Variants in PDE4A observed in about 807,000 individuals in gnomAD.
PDE4A encodes 3',5'-cyclic-AMP phosphodiesterase 4A.
Under a neutral mutation model 73.9 loss-of-function variants are expected in PDE4A, and 21 were observed. The ratio of observed to expected loss-of-function variants is 0.28; its 90% CI spans 0.20 to 0.41. The LOEUF is 0.41. Ranked by LOEUF, PDE4A falls within the 10% of genes least tolerant of loss-of-function variation. The probability of loss-of-function intolerance (pLI) is 1.00; values close to 1 mark genes in which losing one functional copy is unlikely to be tolerated. For missense variants in PDE4A, 958 were observed against 1,211.4 expected (o/e 0.79, Z 3.10); for synonymous variants, 463 against 505.4 (o/e 0.92, Z 1.13).
chr19:10,426,585 A>C lies in PDE4A; in HGVS notation c.320+5501A>C, dbSNP rs142422959. Among the ~76,000 whole-genome samples the C allele has an allele frequency of 1.6e-3, 247 of 152,286 alleles. 2 individuals are homozygous for C. The highest frequency in any genetic ancestry group is 5.5e-3 in the African/African-American group (227 of 41,562). On this transcript the variant is annotated intron_variant, in intron 1 of 14. Coordinates refer to ENST00000380702, the MANE Select transcript of PDE4A (RefSeq NM_001111307.2). ...AGAGGGTGAAGCAGAAATAGCAAGTAAAGGGCTGGGTGCGGTGGCTCAGGC... is the reference window on the plus strand; with the variant it reads ...AGAGGGTGAAGCAGAAATAGCAAGTCAAGGGCTGGGTGCGGTGGCTCAGGC...
At chr19:10,440,633 C>G (rs1366403224) in intron 1 of PDE4A, among the ~76,000 whole-genome samples, 2 of 152,088 alleles carry the variant, frequency 1.3e-5, no homozygotes, top group Admixed American at 6.6e-5. Flanking sequence ...GAGTCTCGCT[C>G]TGTCATCCAG....
At position 10,458,036 on chromosome 19, in the gene PDE4A, C is replaced by T. The variant is rs1205728110; in HGVS notation, c.1035C>T (p.Asn345=). ...GGTTGAAAAAGTTGATGCATAGTAA[C>T]AGCCTGAACAACTCTAACATTCCCC... The part of the protein sequence containing the change: ...ITGLKKLMHS[N]SLNNSNIPRF... Residue 345 remains asparagine (N), a synonymous_variant, in exon 8 of 15, where the codon AAC becomes AAT. Coordinates refer to ENST00000380702, the MANE Select transcript of PDE4A (RefSeq NM_001111307.2). This position sits in a 1 kb window ranked among gnomAD's most constrained non-coding sequence, Gnocchi z 4.6. 1.2e-6 allele frequency: 2 copies of T among 1,613,898 alleles called. No homozygotes were observed. Among genetic ancestry groups the T allele is most frequent in the Admixed American group, 1.7e-5 (1 of 60,020 alleles).
Position 10,421,100 on chromosome 19 carries a change from G to A in PDE4A, c.320+16G>A, listed in dbSNP as rs1044714487. 2.9e-6 allele frequency: 4 copies of A among 1,361,646 alleles called. No homozygotes were observed. Among genetic ancestry groups the A allele is most frequent in the Non-Finnish European group, 3.8e-6 (4 of 1,065,262 alleles). 84.3% of individuals were successfully genotyped at this position (1,361,646 alleles called of 1,614,324 possible). ...GCAGCAGGCGGTAAGACTCCCCGCGGCGGATGCGCGCGGAACGGATGGGCG... is the reference window on the plus strand; with the variant it reads ...GCAGCAGGCGGTAAGACTCCCCGCGACGGATGCGCGCGGAACGGATGGGCG... On this transcript the variant is annotated intron_variant, in intron 1 of 14. Transcript: ENST00000380702.
At chr19:10,452,202 G>T (rs1240133325) in intron 6 of PDE4A, among the ~76,000 whole-genome samples, 2 of 151,920 alleles carry the variant, frequency 1.3e-5, no homozygotes, top group Non-Finnish European at 2.9e-5. Context: ...TGGCTGGGGA[G>T]GCCAAGGCGG....
intron 1 of PDE4A, among the ~76,000 whole-genome samples, chr19:10,425,974 G>T (rs957696904): frequency 9.0e-6 from 1 of 111,494 alleles, no homozygotes; most frequent in Non-Finnish European, 1.7e-5. Context: ...GCGAGAGACT[G>T]AGACCCTGTC....
At position 10,446,341 on chromosome 19, in the gene PDE4A, C is replaced by T. The variant is rs1178359206; in HGVS notation, c.444C>T (p.Tyr148=). 1.2e-6 allele frequency: 2 copies of T among 1,613,978 alleles called. No individual in the cohort carries two copies. The highest frequency in any genetic ancestry group is 1.1e-5 in the South Asian group (1 of 91,068). The change falls in exon 2 of 15, where the codon TAC becomes TAT. Residue 148 remains tyrosine (Y), a synonymous_variant. Coordinates refer to ENST00000380702, the MANE Select transcript of PDE4A (RefSeq NM_001111307.2). The part of the protein sequence containing the change: ...ATSQRRESFL[Y]RSDSDYDMSP... ...GCCAGCGCCGGGAGTCCTTCCTGTA[C>T]CGCTCAGACAGCGACTATGACATGT...
chr19:10,421,409 A>G, intron 1 of PDE4A: 1 of 922,708 alleles, frequency 1.1e-6, no homozygotes, highest in Non-Finnish European at 1.3e-6. Context: ...TAAGCTGGGA[A>G]CCACTTGGAG....
At chr19:10,452,368 C>T (rs1019330743) in intron 6 of PDE4A, among the ~76,000 whole-genome samples, 3 of 150,542 alleles carry the variant, frequency 2.0e-5, no homozygotes, top group Non-Finnish European at 2.9e-5. Flanking sequence ...ACCTGGAAGG[C>T]GGAGGTTGTG....
chr19:10,449,030 C>G, intron 3 of PDE4A, 50 bp from the exon 4 acceptor site: 1 of 1,611,416 alleles, frequency 6.2e-7, no homozygotes, highest in South Asian at 1.1e-5. Context: ...GGCCCAGCCC[C>G]GCTGCCTCTC....
intron 13 of PDE4A, among the ~76,000 whole-genome samples, chr19:10,463,461 G>T (rs1050311247): frequency 3.5e-5 from 5 of 142,180 alleles, no homozygotes; most frequent in Admixed American, 1.4e-4. Context: ...GAGGGCAGTG[G>T]CTTGATCTCG....
upstream of PDE4A, chr19:10,417,631 C>T (rs766039743): frequency 7.0e-6 from 11 of 1,562,950 alleles, no homozygotes; most frequent in Admixed American, 1.8e-4. Context: ...AGCCAGGCCA[C>T]GCCCCTATTC....
upstream of PDE4A, chr19:10,417,446 C>T (rs1779230319): frequency 1.0e-6 from 1 of 983,504 alleles, no homozygotes; most frequent in South Asian, 4.7e-5. Context: ...GAGAGGGGAC[C>T]CCACAAAAAT....
chr19:10,459,141 C>T lies in PDE4A; in HGVS notation c.1102-259C>T, dbSNP rs1188304818. On this transcript the variant is annotated intron_variant, in intron 8 of 14. Transcript: ENST00000380702. ...ACATCGCCTCTCTGAGCCTTGGTGC[C>T]TTCACCTGCCAAACGAGATCAAGTG... The T allele has an allele frequency of 1.0e-4, 53 of 523,490 alleles. No homozygotes were observed. The South Asian group carries it at 1.2e-3, about 11-fold the overall frequency. 32.4% of individuals were successfully genotyped at this position (523,490 alleles called of 1,614,324 possible).
intron 1 of PDE4A, among the ~76,000 whole-genome samples, chr19:10,435,127 C>T (rs2145484956): frequency 6.6e-6 from 1 of 152,118 alleles, no homozygotes; most frequent in South Asian, 2.1e-4. Context: ...TAGTCATCCC[C>T]CAAGGCCTAG....
chr19:10,440,849 C>T lies in PDE4A; in HGVS notation c.321-5369C>T, dbSNP rs142343026. On this transcript the variant is annotated intron_variant, in intron 1 of 14. Coordinates refer to ENST00000380702, the MANE Select transcript of PDE4A (RefSeq NM_001111307.2). ...TCCTGACCTCGTGATCCACCCACCT[C>T]GGCCTCCCAAAGTGCTGGGATTACA... Among the ~76,000 whole-genome samples, 987 of 151,210 alleles carry T rather than the reference C, an allele frequency of 6.5e-3. 11 individuals are homozygous for T. The highest frequency in any genetic ancestry group is 0.023 in the African/African-American group (943 of 41,214).
chr19:10,457,412 A>C (rs1345392315), intron 7 of PDE4A, among the ~76,000 whole-genome samples: 1 of 59,272 alleles, frequency 1.7e-5, no homozygotes, highest in Non-Finnish European at 3.1e-5. Flanking sequence ...TCCCCCAGGC[A>C]GGCTGGTGCC....
At chr19:10,448,794 T>C in intron 2 of PDE4A, 123 bp from the exon 3 acceptor site, 1 of 1,525,244 alleles carries the variant, frequency 6.6e-7, no homozygotes, top group Non-Finnish European at 8.8e-7. Flanking sequence ...AAGTGTTCTT[T>C]CCCTAGGTCC....
chr19:10,460,366 G>GC (rs1447006326), intron 10 of PDE4A, among the ~76,000 whole-genome samples: 2 of 151,844 alleles, frequency 1.3e-5, no homozygotes, highest in Non-Finnish European at 2.9e-5. Context: ...GGGCGTGGTG[G>GC]GGCACGCCTG....
chr19:10,447,032 G>A (rs1449658825), intron 2 of PDE4A, among the ~76,000 whole-genome samples: 1 of 151,002 alleles, frequency 6.6e-6, no homozygotes, highest in Non-Finnish European at 1.5e-5. Context: ...CCGAGTAGTT[G>A]GGACTACAGG....
Sources: allele counts gnomAD v4.1 joint callset (sites outside exome capture counted in the v4.1 genomes callset), GRCh38; gene constraint gnomAD v4.1.1; non-coding constraint Gnocchi (gnomAD v3.1); transcripts MANE v1.5; gene names NCBI Gene and HGNC (gene_info 2026-07-23, HGNC 2026-07-21).